Variants in CDC5L observed in about 807,000 individuals in gnomAD.
The protein encoded by CDC5L is cell division cycle 5-like protein.
CDC5L carries 18 observed loss-of-function variants against 104.1 expected under a neutral mutation model. The observed-to-expected ratio is 0.17, with a 90% CI of 0.12 to 0.26. The LOEUF (loss-of-function observed/expected upper bound fraction) is 0.26. Among genes scored for constraint, CDC5L ranks in the 10% least tolerant of loss-of-function variants. The pLI, the probability that CDC5L is intolerant of heterozygous loss-of-function variation, is 1.00. For synonymous variants in CDC5L, 331 were observed against 322.7 expected, an observed-to-expected ratio of 1.03 and a Z score of -0.28; for missense variants, 673 against 956.9, an observed-to-expected ratio of 0.70 and a Z score of 3.91.
At chr6:44,426,234 A>G in intron 12 of CDC5L, 51 bp downstream of exon 12, 1 of 1,299,154 alleles carries the variant, frequency 7.7e-7, no homozygotes, top group Non-Finnish European at 1.1e-6. Context: ...TTTTTATATG[A>G]TTGCTGCGTT....
intron 8 of CDC5L, among the ~76,000 whole-genome samples, chr6:44,410,369 A>G (rs1292956847): frequency 6.6e-6 from 1 of 152,202 alleles, no homozygotes; most frequent in East Asian, 1.9e-4. Flanking sequence ...AGTTTCATCC[A>G]TGTTGTCACA....
At chr6:44,420,009 A>G (rs774229070) in intron 9 of CDC5L, among the ~76,000 whole-genome samples, 4 of 152,116 alleles carry the variant, frequency 2.6e-5, no homozygotes, top group Non-Finnish European at 4.4e-5. Flanking sequence ...TTGATTTTAG[A>G]GTAGATTGAT....
intron 1 of CDC5L, 24 bp downstream of exon 1, chr6:44,387,892 C>A (rs1413329887): frequency 6.5e-7 from 1 of 1,550,036 alleles, no homozygotes; most frequent in Non-Finnish European, 8.7e-7. Flanking sequence ...TCCCGCCGTC[C>A]GCTGCCCGCC....
rs528160150 is a variant in CDC5L at position 44,402,335 on chromosome 6, A to G, written c.540-1474A>G. Among the ~76,000 whole-genome samples, 564 of 152,252 alleles carry G rather than the reference A, an allele frequency of 3.7e-3. 4 individuals carry two copies. Among genetic ancestry groups the G allele is most frequent in the African/African-American group, 0.012 (519 of 41,544 alleles). On this transcript the variant is annotated intron_variant, in intron 5 of 15. Transcript: ENST00000371477. ...GCACCTGTTGTTTCCTGACTTTTTAATGATTTAAATATTATATTCTTGTGT... is the reference window on the plus strand; with the variant it reads ...GCACCTGTTGTTTCCTGACTTTTTAGTGATTTAAATATTATATTCTTGTGT...
At chr6:44,429,220 C>G (rs909555076) in intron 13 of CDC5L, among the ~76,000 whole-genome samples, 2 of 152,020 alleles carry the variant, frequency 1.3e-5, no homozygotes, top group South Asian at 4.1e-4. Context: ...CGAGGTTTTG[C>G]TGTGTTAACC....
chr6:44,435,469 A>G (rs1316014827), intron 14 of CDC5L, among the ~76,000 whole-genome samples: 1 of 151,898 alleles, frequency 6.6e-6, no homozygotes, highest in Non-Finnish European at 1.5e-5. Flanking sequence ...TCTTGTTTAC[A>G]TGTGTCTAGA....
At chr6:44,432,356 C>A (rs1364945112) in intron 14 of CDC5L, among the ~76,000 whole-genome samples, 2 of 152,122 alleles carry the variant, frequency 1.3e-5, no homozygotes, top group Non-Finnish European at 2.9e-5. Context: ...CTCTTAGGTT[C>A]AGGAGATAAG....
chr6:44,406,227 GGTT>G, intron 6 of CDC5L, 93 bp from the exon 7 acceptor site: 1 of 899,922 alleles, frequency 1.1e-6, no homozygotes, highest in Non-Finnish European at 1.7e-6. Context: ...TTAGAAATGA[GGTT>G]GTTTGTTCAA....
chr6:44,441,933 T>G (rs941869741), intron 14 of CDC5L, among the ~76,000 whole-genome samples: 1 of 75,012 alleles, frequency 1.3e-5, no homozygotes. Context: ...GGTCTTGTTC[T>G]TTTTTTTTTT....
intron 5 of CDC5L, among the ~76,000 whole-genome samples, chr6:44,400,151 G>A (rs1469378229): frequency 6.6e-6 from 1 of 151,744 alleles, no homozygotes; most frequent in African/African-American, 2.4e-5. Context: ...GTTTCCTTTT[G>A]TTCTTGGAAC....
At chr6:44,431,170 CAT>C (rs1234752903) in intron 14 of CDC5L, among the ~76,000 whole-genome samples, 4 of 152,114 alleles carry the variant, frequency 2.6e-5, no homozygotes, top group Non-Finnish European at 5.9e-5. Context: ...ATTAAGATCA[CAT>C]ATATATAGGT....
At chr6:44,434,234 T>G (rs1275052012) in intron 14 of CDC5L, among the ~76,000 whole-genome samples, 1 of 152,232 alleles carries the variant, frequency 6.6e-6, no homozygotes, top group African/African-American at 2.4e-5. Context: ...TCCTAATGTA[T>G]GCAGATGTAC....
intron 14 of CDC5L, among the ~76,000 whole-genome samples, chr6:44,430,631 G>T (rs1447394287): frequency 6.7e-6 from 1 of 149,772 alleles, no homozygotes; most frequent in East Asian, 2.0e-4. Flanking sequence ...GCAGTGCAGT[G>T]GTGCAATCTT....
chr6:44,445,934 T>A, intron 15 of CDC5L, 67 bp downstream of exon 15: 2 of 1,200,120 alleles, frequency 1.7e-6, no homozygotes, highest in Non-Finnish European at 2.5e-6. Flanking sequence ...CTGTCCTCTT[T>A]TACTTCTCCT....
chr6:44,413,874 C>T lies in CDC5L; in HGVS notation c.1092+5242C>T, dbSNP rs578065057. On this transcript the variant is annotated intron_variant, in intron 8 of 15. Transcript: ENST00000371477. ...CGCTGGGATTACAGGCATCAGCCAC[C>T]GTGCCTAGCACATTGTACGTTTTTA... 4.6e-5 allele frequency among the ~76,000 whole-genome samples: 7 copies of T among 152,270 alleles called. No individual in the cohort carries two copies. The East Asian group carries it at 5.8e-4, about 13-fold the overall frequency.
chr6:44,410,471 T>G (rs1791577051), intron 8 of CDC5L, among the ~76,000 whole-genome samples: 1 of 152,204 alleles, frequency 6.6e-6, no homozygotes, highest in Non-Finnish European at 1.5e-5. Context: ...GGTGGACCCT[T>G]AGGTTGTTTC....
chr6:44,401,806 C>T (rs1447221504), intron 5 of CDC5L, among the ~76,000 whole-genome samples: 7 of 150,324 alleles, frequency 4.7e-5, no homozygotes, highest in Admixed American at 1.3e-4. Context: ...CCTCCCCTCT[C>T]CCCCCACCCC....
At chr6:44,397,483 T>TG (rs1385274696) in intron 5 of CDC5L, among the ~76,000 whole-genome samples, 2 of 152,230 alleles carry the variant, frequency 1.3e-5, no homozygotes, top group African/African-American at 2.4e-5. Context: ...CATTTCAGAA[T>TG]ATTTATAGAA....
At chr6:44,423,230 A>T (rs768165804) in intron 10 of CDC5L, among the ~76,000 whole-genome samples, 3 of 152,200 alleles carry the variant, frequency 2.0e-5, no homozygotes, top group Non-Finnish European at 2.9e-5. Context: ...AATTAATTCT[A>T]ACCTCATGTA....
Sources: allele counts gnomAD v4.1 joint callset (sites outside exome capture counted in the v4.1 genomes callset), GRCh38; gene constraint gnomAD v4.1.1; transcripts MANE v1.5; gene names NCBI Gene and HGNC (gene_info 2026-07-23, HGNC 2026-07-21).